The following SHROOM3 variants were observed in gnomAD, a reference collection of about 807,000 sequenced individuals.
SHROOM3 encodes shroom family member 3.
In SHROOM3, 47 loss-of-function variants were observed where a neutral mutation model predicts 138.6. The observed-to-expected ratio is 0.34, with a 90% CI of 0.27 to 0.43. SHROOM3 has a LOEUF of 0.43. Among genes scored for constraint, SHROOM3 ranks in the 20% least tolerant of loss-of-function variants. SHROOM3 has a pLI of 1.00. For missense variants in SHROOM3, 2,491 were observed against 2,596.5 expected (o/e 0.96, Z 0.88); for synonymous variants, 1,062 against 1,063.3 (o/e 1.00, Z 0.02).
chr4:76,583,657 G>T (rs1734093681), intron 2 of SHROOM3, among the ~76,000 whole-genome samples: 1 of 152,160 alleles, frequency 6.6e-6, no homozygotes, highest in Non-Finnish European at 1.5e-5. Flanking sequence ...TCTGCTGCTT[G>T]CTGGCTGTAA....
At chr4:76,441,094 T>TTTTTTG (rs1415998650) in intron 1 of SHROOM3, among the ~76,000 whole-genome samples, 3 of 133,206 alleles carry the variant, frequency 2.3e-5, no homozygotes, top group Non-Finnish European at 4.9e-5. Flanking sequence ...TTGTTTTTTT[T>TTTTTTG]TTTTTTTTTT....
chr4:76,516,926 G>A (rs1251646197), intron 1 of SHROOM3, among the ~76,000 whole-genome samples: 1 of 152,196 alleles, frequency 6.6e-6, no homozygotes, highest in Admixed American at 6.5e-5. Context: ...AGATTTTAAT[G>A]ATGAGTTATT....
chr4:76,571,282 G>C (rs1733828122), intron 2 of SHROOM3, among the ~76,000 whole-genome samples: 2 of 152,320 alleles, frequency 1.3e-5, no homozygotes, highest in African/African-American at 2.4e-5. Flanking sequence ...AAAAGCCCAA[G>C]CTTTTACATC....
At chr4:76,737,600 A>C (rs1450275302) in intron 4 of SHROOM3, among the ~76,000 whole-genome samples, 1 of 152,136 alleles carries the variant, frequency 6.6e-6, no homozygotes, top group Non-Finnish European at 1.5e-5. Flanking sequence ...TGGTATTGTC[A>C]ATGTTCTGGA....
intron 1 of SHROOM3, among the ~76,000 whole-genome samples, chr4:76,547,657 C>T (rs569114907): frequency 5.9e-4 from 90 of 152,182 alleles, no homozygotes; most frequent in Middle Eastern, 3.4e-3. Flanking sequence ...TGGCCAGGCG[C>T]GGCGGCTCAT....
rs576535579 is a variant in SHROOM3, at chr4:76,740,011, C to A, written c.1838C>A (p.Ala613Glu). The A allele has an allele frequency of 6.2e-7, 1 of 1,613,950 alleles. No homozygotes were observed. Among genetic ancestry groups the A allele is most frequent in the Admixed American group, 1.7e-5 (1 of 60,032 alleles). ...LKCPQAQAWQ[A>E]GEDKRSSRLS... ...TGCCCTCAGGCTCAGGCCTGGCAAG[C>A]GGGTGAAGACAAGAGATCTTCCAGG... The change falls in exon 5 of 11, where the codon GCG becomes GAG. Residue 613 changes from alanine (A) to glutamate (E), a missense_variant. By Grantham distance (107) the Ala-to-Glu change is moderately radical (BLOSUM62 -1). Coordinates refer to ENST00000296043, the MANE Select transcript of SHROOM3 (RefSeq NM_020859.4). The surrounding 1 kb of genome is among the most constrained non-coding windows in gnomAD (Gnocchi z 4.0).
At position 76,697,002 on chromosome 4, in the gene SHROOM3, G is replaced by A. The variant is rs189593166; in HGVS notation, c.324-13154G>A. ...TGCAATCATATCTCACTGCAACCTCGAACTCCTGGGCTCAAACAATCCTCC... is the reference window on the plus strand; with the variant it reads ...TGCAATCATATCTCACTGCAACCTCAAACTCCTGGGCTCAAACAATCCTCC... On this transcript the variant is annotated intron_variant, in intron 2 of 10. Coordinates refer to ENST00000296043, the MANE Select transcript of SHROOM3 (RefSeq NM_020859.4). Among the ~76,000 whole-genome samples the A allele has an allele frequency of 4.4e-3, 668 of 152,020 alleles. 5 individuals carry two copies. Among genetic ancestry groups the A allele is most frequent in the African/African-American group, 0.015 (618 of 41,428 alleles).
At chr4:76,541,006 A>G (rs1487187842) in intron 1 of SHROOM3, among the ~76,000 whole-genome samples, 1 of 152,192 alleles carries the variant, frequency 6.6e-6, no homozygotes, top group Non-Finnish European at 1.5e-5. Context: ...AATGCATGAA[A>G]TACATATACA....
chr4:76,506,585 T>A (rs1319312069), intron 1 of SHROOM3, among the ~76,000 whole-genome samples: 1 of 152,020 alleles, frequency 6.6e-6, no homozygotes, highest in African/African-American at 2.4e-5. Flanking sequence ...CTGTGTTTAG[T>A]ATCAATCATC....
intron 2 of SHROOM3, among the ~76,000 whole-genome samples, chr4:76,649,382 C>G (rs1050236391): frequency 6.6e-6 from 1 of 152,134 alleles, no homozygotes; most frequent in African/African-American, 2.4e-5. Context: ...AAAGATCCCC[C>G]AAATCAAAGA....
Position 76,777,635 on chromosome 4 carries a change from G to T in SHROOM3, c.5623-1174G>T, listed in dbSNP as rs572116216. Among the ~76,000 whole-genome samples the T allele has an allele frequency of 3.3e-5, 5 of 152,196 alleles. No homozygotes were observed. The South Asian group carries it at 8.3e-4, about 25-fold the overall frequency. On this transcript the variant is annotated intron_variant, in intron 10 of 10. Coordinates refer to ENST00000296043, the MANE Select transcript of SHROOM3 (RefSeq NM_020859.4). ...TGGCTAGACCTTTTAGTACAATGTT[G>T]AATAGCAGTGGTGAAAGTGAGCACC...
rs542926895 is a variant in SHROOM3 at position 76,438,665 on chromosome 4, G to A, written c.168+2445G>A. 2.0e-5 allele frequency among the ~76,000 whole-genome samples: 3 copies of A among 152,106 alleles called. No homozygotes were observed. The East Asian group carries it at 5.8e-4, about 29-fold the overall frequency. On this transcript the variant is annotated intron_variant, in intron 1 of 10. Coordinates refer to ENST00000296043, the MANE Select transcript of SHROOM3 (RefSeq NM_020859.4). ...TCTCCCTTCTACACTTCCATATTATGCATGTATTACATTGAATCATAAAAT... is the reference window on the plus strand; with the variant it reads ...TCTCCCTTCTACACTTCCATATTATACATGTATTACATTGAATCATAAAAT...
intron 1 of SHROOM3, among the ~76,000 whole-genome samples, chr4:76,511,243 C>T (rs948133565): frequency 2.6e-5 from 4 of 152,060 alleles, no homozygotes; most frequent in Non-Finnish European, 4.4e-5. Flanking sequence ...CTTTTGTCTC[C>T]TAAACACAAG....
At position 76,667,541 on chromosome 4, in the gene SHROOM3, T is replaced by TGG. The variant is rs535280932; in HGVS notation, c.324-42613_324-42612dup. On this transcript the variant is annotated intron_variant, in intron 2 of 10. Coordinates refer to ENST00000296043, the MANE Select transcript of SHROOM3 (RefSeq NM_020859.4). Reference sequence around the variant, plus strand: ...CACTCTGTTGCTGGTCTTCAACTCATGGGCTCAAGCAATCCTTCCTCCTCA... The same window carrying TGG: ...CACTCTGTTGCTGGTCTTCAACTCATGGGGGCTCAAGCAATCCTTCCTCCTCA... Among the ~76,000 whole-genome samples, 12 of 152,128 alleles carry TGG rather than the reference T, an allele frequency of 7.9e-5. No homozygotes were observed. The South Asian group carries it at 2.5e-3, about 32-fold the overall frequency.
At chr4:76,765,077 G>A (rs1578030526) in intron 9 of SHROOM3, among the ~76,000 whole-genome samples, 1 of 146,348 alleles carries the variant, frequency 6.8e-6, no homozygotes, top group Admixed American at 6.8e-5. Context: ...CTGTTTTCAA[G>A]TTCACTGACT....
At chr4:76,772,386 G>T (rs978296786) in intron 10 of SHROOM3, among the ~76,000 whole-genome samples, 1 of 152,054 alleles carries the variant, frequency 6.6e-6, no homozygotes, top group Non-Finnish European at 1.5e-5. Context: ...TTACAGGCGT[G>T]AGCCACCATG....
intron 2 of SHROOM3, among the ~76,000 whole-genome samples, chr4:76,646,225 A>AT (rs1553932802): frequency 1.0e-5 from 1 of 96,268 alleles, no homozygotes; most frequent in African/African-American, 4.4e-5. Context: ...ATAATAAATA[A>AT]ATATATATAT....
At chr4:76,517,621 GTATA>G (rs60652477) in intron 1 of SHROOM3, among the ~76,000 whole-genome samples, 4 of 146,922 alleles carry the variant, frequency 2.7e-5, no homozygotes, top group Non-Finnish European at 4.5e-5. Context: ...TGTTTGTTTG[GTATA>G]TATATATATA....
At chr4:76,437,992 A>G (rs775192870) in intron 1 of SHROOM3, among the ~76,000 whole-genome samples, 2 of 152,036 alleles carry the variant, frequency 1.3e-5, no homozygotes, top group Admixed American at 6.6e-5. Context: ...CTATCCTACT[A>G]TCTACTTTAA....
Sources: gnomAD v4.1 joint callset for allele counts (sites outside exome capture counted in the v4.1 genomes callset) on GRCh38, gnomAD v4.1.1 for gene constraint, Gnocchi (gnomAD v3.1) non-coding constraint, MANE v1.5 for transcripts, NCBI Gene and HGNC (gene_info 2026-07-23, HGNC 2026-07-21) for gene names.